Variants in SLC35F3 observed in about 807,000 individuals in gnomAD.
The protein encoded by SLC35F3 is solute carrier family 35 member F3.
A neutral mutation model predicts 49.9 loss-of-function variants in SLC35F3; 25 were observed. The observed-to-expected ratio is 0.50, with a 90% CI of 0.37 to 0.70. The LOEUF (loss-of-function observed/expected upper bound fraction) is 0.70. SLC35F3 is among the 30% of genes least tolerant of loss of function. The probability of loss-of-function intolerance (pLI) is 0.00; values close to 1 mark genes in which losing one functional copy is unlikely to be tolerated. For synonymous variants in SLC35F3, 275 were observed against 265.4 expected (o/e 1.04, Z -0.35); for missense variants, 525 against 639.8 (o/e 0.82, Z 1.94).
intron 2 of SLC35F3, among the ~76,000 whole-genome samples, chr1:233,978,424 C>G (rs1663126568): frequency 6.6e-6 from 1 of 152,210 alleles, no homozygotes; most frequent in Non-Finnish European, 1.5e-5. Flanking sequence ...TCTGCACAGA[C>G]TTGTGTGTAG....
intron 3 of SLC35F3, among the ~76,000 whole-genome samples, chr1:234,289,504 C>G (rs1172218496): frequency 1.3e-5 from 2 of 152,148 alleles, no homozygotes; most frequent in Non-Finnish European, 2.9e-5. Flanking sequence ...TCCCACACAT[C>G]AAAGGAGACT....
chr1:234,042,822 C>A (rs1231982626), intron 2 of SLC35F3, among the ~76,000 whole-genome samples: 1 of 152,100 alleles, frequency 6.6e-6, no homozygotes, highest in Non-Finnish European at 1.5e-5. Context: ...GTAGTAGGTG[C>A]ACCTAGTAAC....
intron 2 of SLC35F3, among the ~76,000 whole-genome samples, chr1:233,979,219 G>A (rs1430285483): frequency 6.6e-6 from 1 of 152,054 alleles, no homozygotes; most frequent in Non-Finnish European, 1.5e-5. Context: ...AAGGTACCTG[G>A]CCTCTCAGCA....
At chr1:234,004,624 G>T (rs1663603432) in intron 2 of SLC35F3, among the ~76,000 whole-genome samples, 2 of 152,020 alleles carry the variant, frequency 1.3e-5, no homozygotes, top group African/African-American at 2.4e-5. Flanking sequence ...AGAAAAACTT[G>T]TACAGAAAGA....
intron 2 of SLC35F3, among the ~76,000 whole-genome samples, chr1:234,172,925 G>T (rs1249836740): frequency 1.3e-5 from 2 of 152,178 alleles, no homozygotes; most frequent in African/African-American, 4.8e-5. Flanking sequence ...AAAAATAGCA[G>T]AGAGGCCCCA....
intron 2 of SLC35F3, among the ~76,000 whole-genome samples, chr1:234,084,542 T>C (rs1399296143): frequency 6.6e-6 from 1 of 152,226 alleles, no homozygotes; most frequent in East Asian, 1.9e-4. Flanking sequence ...TTAAAGAAAT[T>C]ATTCCAAAGT....
intron 4 of SLC35F3, among the ~76,000 whole-genome samples, chr1:234,316,226 T>A (rs1360559107): frequency 6.6e-6 from 1 of 152,150 alleles, no homozygotes; most frequent in African/African-American, 2.4e-5. Flanking sequence ...ACTCAGGTCA[T>A]CTCCAGGGGC....
chr1:234,320,812 C>A lies in SLC35F3; in HGVS notation c.1237+625C>A, dbSNP rs1345983963. Among the ~76,000 whole-genome samples the A allele has an allele frequency of 6.6e-6, 1 of 152,160 alleles. No individual in the cohort carries two copies. Among genetic ancestry groups the A allele is most frequent in the Non-Finnish European group, 1.5e-5 (1 of 68,026 alleles). ...GACAGCTCTTTCAGAAGCTTGTCTT[C>A]ACCTGCCCCTCACTGCCTTCCTTTT... On this transcript the variant is annotated intron_variant, in intron 7 of 7. Transcript: ENST00000366618. This position sits in a 1 kb window ranked among gnomAD's most constrained non-coding sequence, Gnocchi z 4.8.
At chr1:233,989,332 T>C (rs1447178769) in intron 2 of SLC35F3, among the ~76,000 whole-genome samples, 3 of 152,256 alleles carry the variant, frequency 2.0e-5, no homozygotes, top group African/African-American at 7.2e-5. Flanking sequence ...TTTTGTTTCA[T>C]AATGAAATTT....
intron 2 of SLC35F3, among the ~76,000 whole-genome samples, chr1:234,108,486 A>T (rs1234569327): frequency 5.2e-5 from 6 of 116,254 alleles, no homozygotes; most frequent in African/African-American, 1.4e-4. Context: ...TATATATAAA[A>T]GATATATATT....
chr1:234,199,242 G>A (rs1242515408), intron 2 of SLC35F3, among the ~76,000 whole-genome samples: 1 of 151,392 alleles, frequency 6.6e-6, no homozygotes. Flanking sequence ...AAAAGAAAAC[G>A]AAAAGAAAAA....
At chr1:234,015,704 C>T (rs1338770373) in intron 2 of SLC35F3, among the ~76,000 whole-genome samples, 2 of 152,050 alleles carry the variant, frequency 1.3e-5, no homozygotes, top group Non-Finnish European at 2.9e-5. Context: ...AACTGTAAAA[C>T]TATAAGAAGA....
chr1:234,142,997 A>T (rs1258411841), intron 2 of SLC35F3, among the ~76,000 whole-genome samples: 1 of 152,226 alleles, frequency 6.6e-6, no homozygotes, highest in Non-Finnish European at 1.5e-5. Context: ...TGATTATTAC[A>T]GTCAAGCAAA....
intron 1 of SLC35F3, 152 bp downstream of exon 1, chr1:233,905,282 T>A: frequency 3.3e-6 from 3 of 904,968 alleles, no homozygotes; most frequent in Non-Finnish European, 5.1e-6. Context: ...AGTCATTCTT[T>A]CCCTCGCCAC....
At chr1:234,057,295 G>A (rs1445557369) in intron 2 of SLC35F3, among the ~76,000 whole-genome samples, 1 of 151,740 alleles carries the variant, frequency 6.6e-6, no homozygotes, top group African/African-American at 2.4e-5. Flanking sequence ...CTAGTAACAT[G>A]GTATCCTTTT....
intron 2 of SLC35F3, among the ~76,000 whole-genome samples, chr1:234,217,759 A>T (rs11585538): frequency 1.3e-5 from 2 of 152,020 alleles, no homozygotes; most frequent in African/African-American, 2.4e-5. Context: ...GGAGGAGGCC[A>T]TTCTAACAAA....
At chr1:234,061,742 G>T (rs1415427996) in intron 2 of SLC35F3, among the ~76,000 whole-genome samples, 1 of 151,948 alleles carries the variant, frequency 6.6e-6, no homozygotes, top group Non-Finnish European at 1.5e-5. Flanking sequence ...CCACTGTTGA[G>T]TCCCTCTACT....
intron 1 of SLC35F3, 136 bp downstream of exon 1, chr1:233,905,266 A>G: frequency 1.0e-6 from 1 of 973,442 alleles, no homozygotes; most frequent in South Asian, 1.5e-5. Context: ...CTGCTCGGGA[A>G]GTTTCAGTCA....
rs369674317 is a variant in SLC35F3 at position 234,193,633 on chromosome 1, G to A, written c.284-37784G>A. On this transcript the variant is annotated intron_variant, in intron 2 of 7. Transcript: ENST00000366618. Reference sequence around the variant, plus strand: ...CTAAAGAGCTTCTGCACAGCAAAAGGAAGAGTCAGCAGAGTAAAGAGACAA... The same window carrying A: ...CTAAAGAGCTTCTGCACAGCAAAAGAAAGAGTCAGCAGAGTAAAGAGACAA... Among the ~76,000 whole-genome samples the A allele has an allele frequency of 5.9e-5, 9 of 152,218 alleles. No homozygotes were observed. In the East Asian group the frequency reaches 1.5e-3, roughly 26 times the overall value.
Sources: gnomAD v4.1 joint callset for allele counts (sites outside exome capture counted in the v4.1 genomes callset) on GRCh38, gnomAD v4.1.1 for gene constraint, Gnocchi (gnomAD v3.1) non-coding constraint, MANE v1.5 for transcripts, NCBI Gene and HGNC (gene_info 2026-07-23, HGNC 2026-07-21) for gene names.